Variants in KCNH1 observed in about 807,000 individuals in gnomAD.
KCNH1 encodes voltage-gated delayed rectifier potassium channel KCNH1.
Under a neutral mutation model 69.2 loss-of-function variants are expected in KCNH1, and 27 were observed. The ratio of observed to expected loss-of-function variants is 0.39; its 90% CI spans 0.29 to 0.54. The LOEUF (loss-of-function observed/expected upper bound fraction) is 0.54. Among genes scored for constraint, KCNH1 ranks in the 20% least tolerant of loss-of-function variants. KCNH1 has a pLI of 0.68. For synonymous variants in KCNH1, 456 were observed against 487.7 expected (o/e 0.93, Z 0.86); for missense variants, 798 against 1,261.6 (o/e 0.63, Z 5.57).
At chr1:210,695,184 G>A (rs1173439539) in intron 10 of KCNH1, among the ~76,000 whole-genome samples, 1 of 152,224 alleles carries the variant, frequency 6.6e-6, no homozygotes, top group African/African-American at 2.4e-5. Flanking sequence ...AATGAGAGGG[G>A]GCAATGGAGA....
At chr1:211,020,078 A>C (rs1276690309) in intron 5 of KCNH1, among the ~76,000 whole-genome samples, 1 of 152,094 alleles carries the variant, frequency 6.6e-6, no homozygotes, top group Non-Finnish European at 1.5e-5. Flanking sequence ...ACAACCTAAC[A>C]ATGCACTTCA....
chr1:210,728,541 C>T (rs964300984), intron 10 of KCNH1, among the ~76,000 whole-genome samples: 1 of 152,172 alleles, frequency 6.6e-6, no homozygotes, highest in Non-Finnish European at 1.5e-5. Context: ...AAATTTCTCT[C>T]TGGTCATTCT....
At chr1:210,749,117 C>T (rs1157177278) in intron 10 of KCNH1, among the ~76,000 whole-genome samples, 2 of 152,138 alleles carry the variant, frequency 1.3e-5, no homozygotes, top group African/African-American at 4.8e-5. Flanking sequence ...CCCTGCAGTC[C>T]CTCGTCTTGC....
At chr1:210,792,695 A>G (rs2102394296) in intron 9 of KCNH1, among the ~76,000 whole-genome samples, 1 of 152,334 alleles carries the variant, frequency 6.6e-6, no homozygotes, top group South Asian at 2.1e-4. Context: ...ATTAAAAAAA[A>G]AAAAATCCAC....
chr1:210,717,017 T>A (rs554390083), intron 10 of KCNH1, among the ~76,000 whole-genome samples: 3 of 152,220 alleles, frequency 2.0e-5, no homozygotes, highest in South Asian at 4.1e-4. Context: ...GTTTATATCT[T>A]CCATTTGAGT....
At chr1:211,063,387 T>G (rs1690468791) in intron 5 of KCNH1, 1 of 151,610 alleles carries the variant, frequency 6.6e-6, no homozygotes, top group Non-Finnish European at 1.5e-5. Context: ...TGGGGGTATA[T>G]AATGGCTAAA....
intron 10 of KCNH1, among the ~76,000 whole-genome samples, chr1:210,753,962 TG>T (rs1683338402): frequency 6.6e-6 from 1 of 151,710 alleles, no homozygotes; most frequent in Non-Finnish European, 1.5e-5. Flanking sequence ...TTGCCCAGGC[TG>T]GACTGCAGCG....
intron 5 of KCNH1, among the ~76,000 whole-genome samples, chr1:211,023,720 A>T (rs1260515600): frequency 6.6e-6 from 1 of 152,106 alleles, no homozygotes; most frequent in Admixed American, 6.5e-5. Flanking sequence ...TAGAGTAAAA[A>T]AACAGGTAAG....
rs1341960854 is a variant in KCNH1 at position 210,856,903 on chromosome 1, T to A, written c.1463-52737A>T. The stretch of plus-strand genomic sequence containing the variant: ...TATATATATATATATATATATAAAA[T>A]ACTCATGCCTGGTGTTTACTCTGGA... On this transcript the variant is annotated intron_variant, in intron 7 of 10. Transcript: ENST00000271751. 3.2e-4 allele frequency among the ~76,000 whole-genome samples: 18 copies of A among 56,136 alleles called. 1 individual carries two copies. In the South Asian group the frequency reaches 0.012, roughly 37 times the overall value. 36.8% of individuals were successfully genotyped at this position (56,136 alleles called of 152,430 possible). A position where few individuals can be genotyped will look rare whatever the true frequency, so the allele number is the denominator to read the frequency against.
At chr1:210,874,888 C>T (rs1342586059) in intron 7 of KCNH1, among the ~76,000 whole-genome samples, 7 of 152,090 alleles carry the variant, frequency 4.6e-5, no homozygotes, top group Non-Finnish European at 1.0e-4. Context: ...CGTATATCTC[C>T]AAATACACAG....
intron 4 of KCNH1, among the ~76,000 whole-genome samples, chr1:211,087,440 G>C (rs1690973545): frequency 6.6e-6 from 1 of 152,140 alleles, no homozygotes; most frequent in South Asian, 2.1e-4. Context: ...GCCCAAACCT[G>C]CTGGCTCAGA....
At chr1:210,960,346 T>A (rs1459666936) in intron 6 of KCNH1, among the ~76,000 whole-genome samples, 1 of 152,158 alleles carries the variant, frequency 6.6e-6, no homozygotes, top group African/African-American at 2.4e-5. Context: ...CATCAAACCA[T>A]CACCACAATC....
intron 6 of KCNH1, among the ~76,000 whole-genome samples, chr1:210,967,662 T>A (rs189147745): frequency 6.6e-6 from 1 of 152,142 alleles, no homozygotes; most frequent in East Asian, 1.9e-4. Flanking sequence ...CCTGAATCAA[T>A]ACCATATTGT....
intron 10 of KCNH1, among the ~76,000 whole-genome samples, chr1:210,689,274 G>A (rs1420140726): frequency 1.3e-5 from 2 of 152,144 alleles, no homozygotes; most frequent in Non-Finnish European, 2.9e-5. Context: ...CAGGATAGTC[G>A]ACCACCTCTT....
At chr1:210,728,961 A>C (rs1418090871) in intron 10 of KCNH1, among the ~76,000 whole-genome samples, 1 of 152,220 alleles carries the variant, frequency 6.6e-6, no homozygotes, top group African/African-American at 2.4e-5. Flanking sequence ...TTTGCTGCCA[A>C]AATACTCATA....
chr1:210,710,358 A>C (rs1170714744), intron 10 of KCNH1, among the ~76,000 whole-genome samples: 1 of 145,788 alleles, frequency 6.9e-6, no homozygotes, highest in Non-Finnish European at 1.5e-5. Flanking sequence ...TAGACTATAA[A>C]CAGTATATGT....
intron 3 of KCNH1, among the ~76,000 whole-genome samples, chr1:211,097,335 T>G (rs566246749): frequency 1.3e-5 from 2 of 152,282 alleles, no homozygotes; most frequent in African/African-American, 4.8e-5. Flanking sequence ...GGAAACGTAT[T>G]TTTATTATTT....
intron 6 of KCNH1, among the ~76,000 whole-genome samples, chr1:210,962,070 C>A (rs535303567): frequency 1.3e-5 from 2 of 152,064 alleles, no homozygotes; most frequent in East Asian, 1.9e-4. Context: ...AAAGGGGGAC[C>A]CTTTGCAGCT....
intron 6 of KCNH1, among the ~76,000 whole-genome samples, chr1:210,996,554 G>C (rs1689044714): frequency 1.3e-5 from 2 of 152,230 alleles, no homozygotes; most frequent in Admixed American, 6.5e-5. Flanking sequence ...TCCACCTCTA[G>C]GGGCAGGGCA....
Sources: allele counts gnomAD v4.1 joint callset (sites outside exome capture counted in the v4.1 genomes callset), GRCh38; gene constraint gnomAD v4.1.1; transcripts MANE v1.5; gene names NCBI Gene and HGNC (gene_info 2026-07-23, HGNC 2026-07-21).